The following LDB2 variants were observed in gnomAD, a reference collection of about 807,000 sequenced individuals.
The protein encoded by LDB2 is LIM domain-binding protein 2.
In LDB2, 12 loss-of-function variants were observed where a neutral mutation model predicts 44.3. The observed-to-expected ratio is 0.27, with a 90% CI of 0.17 to 0.44. The LOEUF (loss-of-function observed/expected upper bound fraction) is 0.44. LDB2 is among the 20% of genes least tolerant of loss of function. The probability of loss-of-function intolerance (pLI) is 1.00; values close to 1 mark genes in which losing one functional copy is unlikely to be tolerated. For missense variants in LDB2, 344 were observed against 473.5 expected, an observed-to-expected ratio of 0.73 and a Z score of 2.54; for synonymous variants, 164 against 174.8, an observed-to-expected ratio of 0.94 and a Z score of 0.49.
chr4:16,527,756 ATATTG>A (rs1728728998), intron 5 of LDB2, among the ~76,000 whole-genome samples: 1 of 152,186 alleles, frequency 6.6e-6, no homozygotes, highest in Admixed American at 6.5e-5. Context: ...TAATAATACT[ATATTG>A]TATACTTTAA....
chr4:16,540,941 A>G (rs1247984293), intron 5 of LDB2, among the ~76,000 whole-genome samples: 1 of 152,200 alleles, frequency 6.6e-6, no homozygotes, highest in East Asian at 1.9e-4. Context: ...TTTCTGTGAA[A>G]TGCTGGATAA....
chr4:16,642,222 G>C (rs77883053), intron 2 of LDB2, among the ~76,000 whole-genome samples: 64 of 152,282 alleles, frequency 4.2e-4, no homozygotes, highest in African/African-American at 1.5e-3. Context: ...AGAGGAATGA[G>C]ATCATGCCTA....
chr4:16,677,909 G>C (rs754368161), intron 2 of LDB2, among the ~76,000 whole-genome samples: 8 of 152,202 alleles, frequency 5.3e-5, no homozygotes, highest in Non-Finnish European at 1.2e-4. Flanking sequence ...ATTTGGAACT[G>C]CCTGAATTAG....
chr4:16,679,347 G>A (rs1375844624), intron 2 of LDB2, among the ~76,000 whole-genome samples: 1 of 152,022 alleles, frequency 6.6e-6, no homozygotes, highest in African/African-American at 2.4e-5. Flanking sequence ...CAGGAAGGAA[G>A]GGAGGAAATC....
intron 2 of LDB2, among the ~76,000 whole-genome samples, chr4:16,643,161 G>A (rs948289785): frequency 7.1e-6 from 1 of 139,876 alleles, no homozygotes; most frequent in Non-Finnish European, 1.6e-5. Flanking sequence ...TAACAGATAG[G>A]GATAAAAGTA....
chr4:16,766,055 T>C (rs560710557), intron 1 of LDB2, among the ~76,000 whole-genome samples: 7 of 152,298 alleles, frequency 4.6e-5, no homozygotes, highest in African/African-American at 1.4e-4. Context: ...TTACCCGGAA[T>C]TAACAATTAT....
intron 2 of LDB2, among the ~76,000 whole-genome samples, chr4:16,722,370 C>G (rs986783616): frequency 2.0e-5 from 3 of 152,150 alleles, no homozygotes; most frequent in African/African-American, 7.2e-5. Context: ...ACCTGCTACA[C>G]TGCCTCTCAG....
intron 2 of LDB2, among the ~76,000 whole-genome samples, chr4:16,672,832 T>TTTCTTTCCTTCC (rs5856378): frequency 0.16 from 23,014 of 147,674 alleles, 1,840 homozygotes; most frequent in Non-Finnish European, 0.18. Flanking sequence ...GCCTGCCTTC[T>TTTCTTTCCTTCC]TTCCTTCCTT....
intron 2 of LDB2, among the ~76,000 whole-genome samples, chr4:16,617,278 G>A (rs540205630): frequency 2.0e-5 from 3 of 152,032 alleles, no homozygotes; most frequent in East Asian, 1.9e-4. Flanking sequence ...CAGATAGGGC[G>A]AGTGGAATAC....
At chr4:16,518,593 A>G (rs988358370) in intron 5 of LDB2, among the ~76,000 whole-genome samples, 1 of 151,884 alleles carries the variant, frequency 6.6e-6, no homozygotes, top group South Asian at 2.1e-4. Context: ...CTTACTGTCT[A>G]TAGCTGCTTT....
intron 1 of LDB2, among the ~76,000 whole-genome samples, chr4:16,874,503 C>T (rs762638820): frequency 3.3e-5 from 5 of 152,124 alleles, no homozygotes; most frequent in South Asian, 4.2e-4. Context: ...AGAATGGGTG[C>T]GAATGGTTTG....
At position 16,694,453 on chromosome 4, in the gene LDB2, G is replaced by C. The variant is rs78392558; in HGVS notation, c.235+64705C>G. ...GGAATAATCGCTGCATTAAATGGAAGTATCATTGTAGTTCATGTTTATTTT... is the reference window on the plus strand; with the variant it reads ...GGAATAATCGCTGCATTAAATGGAACTATCATTGTAGTTCATGTTTATTTT... On this transcript the variant is annotated intron_variant, in intron 2 of 7. Coordinates refer to ENST00000304523, the MANE Select transcript of LDB2 (RefSeq NM_001290.5). Among the ~76,000 whole-genome samples, 840 of 152,322 alleles carry C rather than the reference G, an allele frequency of 5.5e-3. 4 individuals carry two copies. The highest frequency in any genetic ancestry group is 0.019 in the African/African-American group (795 of 41,568).
intron 1 of LDB2, among the ~76,000 whole-genome samples, chr4:16,825,119 G>A (rs764317035): frequency 2.0e-5 from 3 of 152,144 alleles, no homozygotes; most frequent in African/African-American, 4.8e-5. Context: ...TGAATGATGA[G>A]TAGCTCACCT....
At chr4:16,623,615 A>AAATAAATG (rs1437707456) in intron 2 of LDB2, among the ~76,000 whole-genome samples, 19 of 142,642 alleles carry the variant, frequency 1.3e-4, no homozygotes, top group Non-Finnish European at 2.0e-4. Context: ...ATAAATAAAT[A>AAATAAATG]AATAAAAATA....
At chr4:16,584,099 T>C (rs1715829957) in intron 5 of LDB2, among the ~76,000 whole-genome samples, 1 of 152,156 alleles carries the variant, frequency 6.6e-6, no homozygotes, top group Non-Finnish European at 1.5e-5. Context: ...GCGCTGTGTT[T>C]CTCTACGTGG....
chr4:16,515,642 T>G (rs957881999), intron 5 of LDB2, among the ~76,000 whole-genome samples: 1 of 152,182 alleles, frequency 6.6e-6, no homozygotes, highest in Middle Eastern at 3.2e-3. Flanking sequence ...AGAGAAATCC[T>G]AAAGACTAGG....
chr4:16,627,155 T>C (rs1481951962), intron 2 of LDB2, among the ~76,000 whole-genome samples: 2 of 152,044 alleles, frequency 1.3e-5, no homozygotes, highest in East Asian at 3.9e-4. Context: ...CACTGGGAGG[T>C]CAGTGACGAA....
At position 16,659,671 on chromosome 4, in the gene LDB2, GTATATA is replaced by G. The variant is rs58539901; in HGVS notation, c.236-63802_236-63797del. Among the ~76,000 whole-genome samples, 279 of 133,562 alleles carry G rather than the reference GTATATA, an allele frequency of 2.1e-3. 3 individuals carry two copies. The highest frequency in any genetic ancestry group is 3.6e-3 in the Middle Eastern group (1 of 274). 87.6% of individuals were successfully genotyped at this position (133,562 alleles called of 152,430 possible). A position where few individuals can be genotyped will look rare whatever the true frequency, so the allele number is the denominator to read the frequency against. ...CACACATATGAGTATATCTATGTGT[GTATATA>G]TATATATATATATATGTATGTATGT... On this transcript the variant is annotated intron_variant, in intron 2 of 7. Coordinates refer to ENST00000304523, the MANE Select transcript of LDB2 (RefSeq NM_001290.5).
intron 2 of LDB2, among the ~76,000 whole-genome samples, chr4:16,631,949 C>A (rs1376282939): frequency 6.6e-6 from 1 of 152,134 alleles, no homozygotes; most frequent in Non-Finnish European, 1.5e-5. Flanking sequence ...AATTAATAGC[C>A]TATCAACCAT....
Sources: allele counts gnomAD v4.1 joint callset (sites outside exome capture counted in the v4.1 genomes callset), GRCh38; gene constraint gnomAD v4.1.1; transcripts MANE v1.5; gene names NCBI Gene and HGNC (gene_info 2026-07-23, HGNC 2026-07-21).